The following DYRK1A variants were observed in gnomAD, a reference collection of about 807,000 sequenced individuals.
DYRK1A encodes the protein dual specificity tyrosine-phosphorylation-regulated kinase 1A.
DYRK1A carries 9 observed loss-of-function variants against 79.7 expected under a neutral mutation model. The ratio of observed to expected loss-of-function variants is 0.11; its 90% confidence interval spans 0.07 to 0.20. DYRK1A has a LOEUF of 0.20. DYRK1A is among the 10% of genes least tolerant of loss of function. The pLI, the probability that DYRK1A is intolerant of heterozygous loss-of-function variation, is 1.00. For missense variants in DYRK1A, 622 were observed against 956.0 expected (o/e 0.65, Z 4.61); for synonymous variants, 349 against 329.7 (o/e 1.06, Z -0.63).
intron 2 of DYRK1A, among the ~76,000 whole-genome samples, chr21:37,457,025 CTTACTTACTTACTTATTTAT>C (rs1357425432): frequency 1.3e-3 from 99 of 77,014 alleles, no homozygotes; most frequent in Middle Eastern, 5.7e-3. Flanking sequence ...TACTTACTTA[CTTACTTACTTACTTATTTAT>C]TTATTTATTT....
chr21:37,471,683 A>G (rs1466761254), intron 2 of DYRK1A, among the ~76,000 whole-genome samples: 1 of 152,218 alleles, frequency 6.6e-6, no homozygotes, highest in South Asian at 2.1e-4. Context: ...AACCCCAGCA[A>G]CCTGGCTGAG....
intron 11 of DYRK1A, among the ~76,000 whole-genome samples, chr21:37,510,450 A>G (rs1182070844): frequency 6.6e-6 from 1 of 152,220 alleles, no homozygotes; most frequent in Admixed American, 6.5e-5. Flanking sequence ...CCTAGAGCTT[A>G]CAGTGACACA....
At position 37,406,907 on chromosome 21, in the gene DYRK1A, C is replaced by G. The variant is rs1465277208; in HGVS notation, c.-76-13392C>G. On this transcript the variant is annotated intron_variant, in intron 1 of 11. Coordinates refer to ENST00000647188, the MANE Select transcript of DYRK1A (RefSeq NM_001347721.2). ...TAATTACCGTTATTTAGAAAAAATT[C>G]TTTTTGAGTTGATGTTTAAAATTCT... is the stretch of plus-strand genomic sequence containing the variant. Among the ~76,000 whole-genome samples the G allele has an allele frequency of 2.1e-5, 3 of 143,788 alleles. No individual in the cohort carries two copies. The South Asian group carries it at 6.6e-4, about 32-fold the overall frequency. The allele number at this position is 143,788 out of a possible 152,430, so 94.3% of individuals were successfully genotyped here.
chr21:37,408,956 G>T (rs2050196116), intron 1 of DYRK1A, among the ~76,000 whole-genome samples: 1 of 152,180 alleles, frequency 6.6e-6, no homozygotes, highest in South Asian at 2.1e-4. Flanking sequence ...GCAGAGTGGG[G>T]TTAGGGTGGT....
At chr21:37,418,560 A>G (rs534505545) in intron 1 of DYRK1A, among the ~76,000 whole-genome samples, 1 of 152,286 alleles carries the variant, frequency 6.6e-6, no homozygotes, top group South Asian at 2.1e-4. Flanking sequence ...GAGAGCCTAA[A>G]GGATTTGATT....
At chr21:37,497,978 AAG>A (rs1445754677) in intron 9 of DYRK1A, among the ~76,000 whole-genome samples, 1 of 152,178 alleles carries the variant, frequency 6.6e-6, no homozygotes, top group Non-Finnish European at 1.5e-5. Flanking sequence ...TTGTAACAAA[AAG>A]TCAAATTCAT....
intron 1 of DYRK1A, among the ~76,000 whole-genome samples, chr21:37,390,586 T>C (rs1033272147): frequency 6.6e-6 from 1 of 152,180 alleles, no homozygotes; most frequent in Non-Finnish European, 1.5e-5. Flanking sequence ...TTTCTTTTTT[T>C]ATGAGACAGT....
In DYRK1A at chr21:37,490,295, C is replaced by T; in HGVS notation, c.758C>T (p.Thr253Ile). The T allele has an allele frequency of 6.2e-7, 1 of 1,613,816 alleles. No homozygotes were observed. The highest frequency in any genetic ancestry group is 8.5e-7 in the Non-Finnish European group (1 of 1,179,772). The change falls in exon 7 of 12, where the codon ACA becomes ATA. Residue 253 changes from threonine (T) to isoleucine (I), a missense_variant. By Grantham distance (89) the Thr-to-Ile change is moderately conservative. Transcript: ENST00000647188. ...TTCCGAGGGGTCTCTTTGAACCTAA[C>T]ACGAAAGTTTGCGCAACAGATGTGC... ...TNFRGVSLNL[T>I]RKFAQQMCTA... is the part of the protein sequence containing the mutation.
intron 2 of DYRK1A, among the ~76,000 whole-genome samples, chr21:37,436,293 A>G (rs1223980789): frequency 6.6e-6 from 1 of 152,142 alleles, no homozygotes; most frequent in Non-Finnish European, 1.5e-5. Flanking sequence ...AGGTGAGCAA[A>G]AGTAATGTTT....
intron 11 of DYRK1A, 147 bp downstream of exon 11, chr21:37,506,370 A>G: frequency 6.5e-7 from 1 of 1,545,896 alleles, no homozygotes; most frequent in Non-Finnish European, 8.8e-7. Context: ...TATTTATCAT[A>G]GAGAAGCACA....
chr21:37,510,852 G>A (rs1303721482), intron 11 of DYRK1A, among the ~76,000 whole-genome samples: 1 of 151,990 alleles, frequency 6.6e-6, no homozygotes, highest in Non-Finnish European at 1.5e-5. Flanking sequence ...TTAGACATAT[G>A]GCCATCAGTA....
At chr21:37,481,582 G>C (rs893450695) in intron 5 of DYRK1A, 2 of 152,226 alleles carry the variant, frequency 1.3e-5, no homozygotes, top group African/African-American at 4.8e-5. Context: ...TTTTAGTAGA[G>C]ACAGGGTTTC....
chr21:37,444,218 G>A (rs1476215899), intron 2 of DYRK1A, among the ~76,000 whole-genome samples: 2 of 152,272 alleles, frequency 1.3e-5, no homozygotes, highest in South Asian at 2.1e-4. Flanking sequence ...ACCTGGAGAG[G>A]ATTTGTCCCA....
chr21:37,422,337 T>C (rs1242047139), intron 2 of DYRK1A, among the ~76,000 whole-genome samples: 1 of 152,188 alleles, frequency 6.6e-6, no homozygotes, highest in East Asian at 1.9e-4. Context: ...CATTAATTAA[T>C]GTAGCAGTTT....
intron 4 of DYRK1A, among the ~76,000 whole-genome samples, chr21:37,480,022 T>G (rs962493072): frequency 6.6e-6 from 1 of 152,162 alleles, no homozygotes; most frequent in African/African-American, 2.4e-5. Flanking sequence ...TGTTTTTCAT[T>G]AATCGTTATA....
At chr21:37,415,239 T>G (rs1343564916) in intron 1 of DYRK1A, among the ~76,000 whole-genome samples, 1 of 152,124 alleles carries the variant, frequency 6.6e-6, no homozygotes. Context: ...TTCTTAAACC[T>G]TCTCCCTAGT....
intron 1 of DYRK1A, among the ~76,000 whole-genome samples, chr21:37,402,877 C>G (rs1478602455): frequency 6.6e-6 from 1 of 152,132 alleles, no homozygotes; most frequent in Non-Finnish European, 1.5e-5. Flanking sequence ...ATTCTCATGC[C>G]TTAGCCTCCC....
At chr21:37,456,353 A>C (rs1182615230) in intron 2 of DYRK1A, 1 of 152,166 alleles carries the variant, frequency 6.6e-6, no homozygotes, top group African/African-American at 2.4e-5. Context: ...CTTCCACAGG[A>C]CATTTTTGGG....
chr21:37,426,250 G>A (rs1199800092), intron 2 of DYRK1A, among the ~76,000 whole-genome samples: 1 of 152,202 alleles, frequency 6.6e-6, no homozygotes, highest in Admixed American at 6.5e-5. Flanking sequence ...ATTGAAGTCA[G>A]AAAAGCTACT....
Sources: allele counts gnomAD v4.1 joint callset (sites outside exome capture counted in the v4.1 genomes callset), GRCh38; gene constraint gnomAD v4.1.1; transcripts MANE v1.5; gene names NCBI Gene and HGNC (gene_info 2026-07-23, HGNC 2026-07-21).